PKD1L3: variants seen among roughly 807,000 people sequenced by gnomAD.
PKD1L3 encodes the protein polycystin 1 like 3, transient receptor potential channel interacting.
A neutral mutation model predicts 184.1 loss-of-function variants in PKD1L3; 239 were observed. That is an observed-to-expected ratio of 1.30 (90% confidence interval 1.17 to 1.45). The LOEUF (loss-of-function observed/expected upper bound fraction) is 1.45, where lower values mean the gene tolerates loss of function less well. Ranked by LOEUF, PKD1L3 falls within the 40% of genes most tolerant of loss-of-function variation. PKD1L3 has a pLI of 0.00. For synonymous variants in PKD1L3, 996 were observed against 778.8 expected, an observed-to-expected ratio of 1.28 and a Z score of -4.64; for missense variants, 2,660 against 2,067.2, an observed-to-expected ratio of 1.29 and a Z score of -5.56.
chr16:71,930,280 A>G, intron 28 of PKD1L3, 97 bp from the exon 29 acceptor site: 1 of 1,281,394 alleles, frequency 7.8e-7, no homozygotes, highest in South Asian at 2.3e-5. Context: ...TATCAGAAGA[A>G]AAGCTTATCC....
At chr16:71,987,371 C>A (rs1289451532) in intron 4 of PKD1L3, among the ~76,000 whole-genome samples, 2 of 151,840 alleles carry the variant, frequency 1.3e-5, no homozygotes, top group African/African-American at 2.4e-5. Context: ...CAGGCACACA[C>A]CACCATGCCT....
In PKD1L3 at chr16:71,977,087, C is replaced by T. The variant is rs7188827; in HGVS notation, c.1759+149G>A. 8,593 of 661,254 alleles carry T rather than the reference C, an allele frequency of 0.013. 498 individuals carry two copies. In the African/African-American group the frequency reaches 0.14, roughly 11 times the overall value. The allele number at this position is 661,254 out of a possible 1,614,324, so 41.0% of individuals were successfully genotyped here. ...AATTAGCCAGATGTGGTGGTGCGCA[C>T]TTGTAGTCCCAGCTACTTAAGAGGC... is the stretch of plus-strand genomic sequence containing the variant. On this transcript the variant is annotated intron_variant, in intron 11 of 29. Transcript: ENST00000620267.
At chr16:71,980,896 C>T (rs1169248017) in intron 7 of PKD1L3, among the ~76,000 whole-genome samples, 2 of 152,184 alleles carry the variant, frequency 1.3e-5, no homozygotes, top group Non-Finnish European at 2.9e-5. Context: ...TCCCTAGTCC[C>T]TCTAGCTCTA....
At chr16:71,977,843 C>G (rs2039990770) in intron 10 of PKD1L3, among the ~76,000 whole-genome samples, 1 of 152,296 alleles carries the variant, frequency 6.6e-6, no homozygotes, top group Middle Eastern at 3.4e-3. Context: ...AGTGCGATCT[C>G]AGCTCACTGC....
At chr16:71,962,380 T>C (rs534146263) in intron 16 of PKD1L3, among the ~76,000 whole-genome samples, 2 of 152,284 alleles carry the variant, frequency 1.3e-5, no homozygotes, top group South Asian at 4.1e-4. Flanking sequence ...TCAGGAGACA[T>C]AGAAAGATAC....
Position 72,000,195 on chromosome 16 carries a change from TG to T in PKD1L3, c.-218del, listed in dbSNP as rs1479374490. 2.0e-5 allele frequency among the ~76,000 whole-genome samples: 3 copies of T among 152,178 alleles called. No individual in the cohort carries two copies. The highest frequency in any genetic ancestry group is 4.4e-5 in the Non-Finnish European group (3 of 68,038). ...CAATAAAACAATGGCCCTTTTTATC[TG>T]GGGCCCCACCATCTGTGTCTACCTA... On this transcript the variant is annotated 5_prime_UTR_variant, in exon 1 of 30. The change creates a premature stop within an existing upstream ORF in the 5' untranslated region. Coordinates refer to ENST00000620267, the MANE Select transcript of PKD1L3 (RefSeq NM_181536.2).
chr16:71,967,247 T>C lies in PKD1L3; in HGVS notation c.2355A>G (p.Thr785=). 6.4e-7 allele frequency: 1 copy of C among 1,551,672 alleles called. No individual in the cohort carries two copies. The highest frequency in any genetic ancestry group is 2.4e-5 in the East Asian group (1 of 40,918). Residue 785 remains threonine (T), a synonymous_variant, in exon 15 of 30, where the codon ACA becomes ACG. Transcript: ENST00000620267. ...CATCCAGGCCCCCTCGTTCAAAGAC[T>C]GTCTTCTGGGGGTCACAGAGGTGAT... ...EPHHLCDPQK[T]VFERGGLDVF...
intron 15 of PKD1L3, among the ~76,000 whole-genome samples, chr16:71,964,560 C>T (rs925298934): frequency 5.3e-5 from 8 of 151,500 alleles, no homozygotes; most frequent in Admixed American, 1.3e-4. Context: ...AGGATGGTCT[C>T]GATCTCCTGA....
intron 21 of PKD1L3, among the ~76,000 whole-genome samples, chr16:71,947,986 G>A (rs915318130): frequency 2.7e-5 from 4 of 150,656 alleles, no homozygotes; most frequent in Admixed American, 1.3e-4. Context: ...GCGCAATCTC[G>A]GCTCACTGCA....
intron 4 of PKD1L3, 48 bp downstream of exon 4, chr16:71,990,232 C>T: frequency 1.4e-6 from 2 of 1,450,992 alleles, no homozygotes; most frequent in South Asian, 2.5e-5. Context: ...CTAGGTATGA[C>T]AAAGAGATCA....
chr16:71,995,805 C>T (rs9924929), intron 2 of PKD1L3, among the ~76,000 whole-genome samples: 6,447 of 152,244 alleles, frequency 0.042, 458 homozygotes, highest in African/African-American at 0.15. Flanking sequence ...CTAGATATTG[C>T]TGAATTCCCC....
intron 7 of PKD1L3, among the ~76,000 whole-genome samples, chr16:71,980,523 G>A (rs1388292113): frequency 6.6e-6 from 1 of 152,040 alleles, no homozygotes; most frequent in African/African-American, 2.4e-5. Context: ...TCTAATTTTA[G>A]GATTCATCCT....
chr16:71,932,023 T>G (rs2143091398), intron 28 of PKD1L3, among the ~76,000 whole-genome samples: 1 of 152,300 alleles, frequency 6.6e-6, no homozygotes, highest in South Asian at 2.1e-4. Context: ...GAACTACAGG[T>G]ACATGCTACC....
intron 7 of PKD1L3, among the ~76,000 whole-genome samples, chr16:71,981,171 A>C (rs1023089436): frequency 6.6e-6 from 1 of 152,200 alleles, no homozygotes; most frequent in Non-Finnish European, 1.5e-5. Flanking sequence ...TTTAGCTATT[A>C]AACCATGCTG....
Position 71,977,356 on chromosome 16 carries a change from C to A in PKD1L3, c.1639G>T (p.Val547Leu). The A allele has an allele frequency of 6.5e-7, 1 of 1,549,106 alleles. No homozygotes were observed. Among genetic ancestry groups the A allele is most frequent in the East Asian group, 2.4e-5 (1 of 40,918 alleles). The stretch of plus-strand genomic sequence containing the variant: ...AGGGGACTGTCAGGATCTATGCTCA[C>A]TATCAAGGATTTCTCCAAGGAAGTG... Reference protein sequence around the residue: ...NVTSLEKSLIVSIDPDSPLLM... With the variant: ...NVTSLEKSLILSIDPDSPLLM... The change falls in exon 11 of 30, where the codon GTG becomes TTG. Residue 547 changes from valine to leucine, a missense_variant. Physicochemically the swap from Val to Leu is conservative, Grantham distance 32. Transcript: ENST00000620267.
chr16:71,948,122 C>T (rs1223254390), intron 21 of PKD1L3, among the ~76,000 whole-genome samples: 1 of 152,030 alleles, frequency 6.6e-6, no homozygotes, highest in African/African-American at 2.4e-5. Context: ...TGTTCTGTTG[C>T]CCAGGCTGGA....
chr16:71,994,183 A>G (rs1351204719), intron 2 of PKD1L3, among the ~76,000 whole-genome samples: 2 of 152,184 alleles, frequency 1.3e-5, no homozygotes, highest in African/African-American at 2.4e-5. Context: ...GGCTCAGCTT[A>G]AATTCGCTAT....
intron 4 of PKD1L3, among the ~76,000 whole-genome samples, chr16:71,989,345 G>T (rs1360342935): frequency 6.6e-6 from 1 of 152,146 alleles, no homozygotes; most frequent in Non-Finnish European, 1.5e-5. Flanking sequence ...TAGAGACGAG[G>T]TTTCACCATG....
chr16:71,972,741 C>G (rs945492628), intron 12 of PKD1L3, among the ~76,000 whole-genome samples: 1 of 152,160 alleles, frequency 6.6e-6, no homozygotes. Flanking sequence ...ACTTTCTCAG[C>G]TCTTTTTAGA....
Sources: gnomAD v4.1 joint callset for allele counts (sites outside exome capture counted in the v4.1 genomes callset) on GRCh38, gnomAD v4.1.1 for gene constraint, MANE v1.5 for transcripts, NCBI Gene and HGNC (gene_info 2026-07-23, HGNC 2026-07-21) for gene names.